Variants in PHACTR1 observed in about 807,000 individuals in gnomAD.
PHACTR1 encodes phosphatase and actin regulator 1.
PHACTR1 carries 16 observed loss-of-function variants against 69.2 expected under a neutral mutation model. The ratio of observed to expected loss-of-function variants is 0.23; its 90% confidence interval spans 0.16 to 0.35. PHACTR1 has a LOEUF of 0.35. Among genes scored for constraint, PHACTR1 ranks in the 10% least tolerant of loss-of-function variants. The probability of loss-of-function intolerance (pLI) is 1.00; values close to 1 mark genes in which losing one functional copy is unlikely to be tolerated. For synonymous variants in PHACTR1, 312 were observed against 284.5 expected (o/e 1.10, Z -0.97); for missense variants, 510 against 734.7 (o/e 0.69, Z 3.54).
intron 4 of PHACTR1, among the ~76,000 whole-genome samples, chr6:12,818,847 G>T (rs1775883201): frequency 6.6e-6 from 1 of 152,174 alleles, no homozygotes; most frequent in South Asian, 2.1e-4. Context: ...CTCCATACAA[G>T]TCAGCTTCCT....
At chr6:12,728,740 A>T (rs1250789866) in intron 3 of PHACTR1, among the ~76,000 whole-genome samples, 1 of 152,210 alleles carries the variant, frequency 6.6e-6, no homozygotes, top group Non-Finnish European at 1.5e-5. Flanking sequence ...ATAATCATGT[A>T]TTTATTTTAT....
At chr6:13,178,543 G>A (rs940679019) in intron 6 of PHACTR1, among the ~76,000 whole-genome samples, 1 of 152,248 alleles carries the variant, frequency 6.6e-6, no homozygotes, top group Non-Finnish European at 1.5e-5. Context: ...AGCTCTGGGG[G>A]TGAAGCCCAG....
chr6:12,778,133 T>A (rs936147879), intron 4 of PHACTR1, among the ~76,000 whole-genome samples: 1 of 152,240 alleles, frequency 6.6e-6, no homozygotes, highest in Admixed American at 6.5e-5. Context: ...TCTCTGGCAT[T>A]GACTTAATTA....
intron 4 of PHACTR1, among the ~76,000 whole-genome samples, chr6:12,856,921 C>T (rs948582681): frequency 6.6e-6 from 1 of 152,184 alleles, no homozygotes; most frequent in East Asian, 1.9e-4. Context: ...GACCCTGCAG[C>T]GGCAAGGAAA....
chr6:13,176,097 C>T (rs975431685), intron 6 of PHACTR1, among the ~76,000 whole-genome samples: 1 of 152,104 alleles, frequency 6.6e-6, no homozygotes, highest in African/African-American at 2.4e-5. Flanking sequence ...CATGTAGAAA[C>T]CAGAGGAATG....
intron 5 of PHACTR1, among the ~76,000 whole-genome samples, chr6:13,089,615 A>G (rs988242011): frequency 2.6e-5 from 4 of 152,238 alleles, no homozygotes; most frequent in Non-Finnish European, 5.9e-5. Context: ...GCCAAAAAAT[A>G]ATGAACTCAT....
At chr6:12,937,670 G>T (rs527935273) in intron 4 of PHACTR1, among the ~76,000 whole-genome samples, 1 of 152,026 alleles carries the variant, frequency 6.6e-6, no homozygotes, top group African/African-American at 2.4e-5. Context: ...ATTTTAGAGA[G>T]TGTGGGCAGA....
At chr6:12,770,531 A>G (rs1036174473) in intron 4 of PHACTR1, among the ~76,000 whole-genome samples, 1 of 152,226 alleles carries the variant, frequency 6.6e-6, no homozygotes, top group African/African-American at 2.4e-5. Flanking sequence ...GACATGGAGG[A>G]GGAGCTTCAA....
At chr6:12,958,916 C>A (rs182268975) in intron 4 of PHACTR1, among the ~76,000 whole-genome samples, 19 of 152,188 alleles carry the variant, frequency 1.2e-4, no homozygotes, top group Admixed American at 9.8e-4. Context: ...GTGGCTCACG[C>A]CTATAATCCC....
chr6:13,027,041 A>G (rs904955436), intron 4 of PHACTR1, among the ~76,000 whole-genome samples: 12 of 152,244 alleles, frequency 7.9e-5, no homozygotes, highest in African/African-American at 2.9e-4. Context: ...ATACAGCTAA[A>G]TCCATAGGTA....
chr6:12,856,408 C>A (rs1561949827), intron 4 of PHACTR1, among the ~76,000 whole-genome samples: 1 of 152,136 alleles, frequency 6.6e-6, no homozygotes, highest in South Asian at 2.1e-4. Flanking sequence ...CACCCGCCAC[C>A]ACGCCAGGGT....
At chr6:13,187,057 G>A (rs1583805025) in intron 7 of PHACTR1, among the ~76,000 whole-genome samples, 1 of 152,146 alleles carries the variant, frequency 6.6e-6, no homozygotes, top group East Asian at 1.9e-4. Flanking sequence ...CTCATCTAAT[G>A]CTGCTGTTGA....
chr6:12,992,594 CTAAAT>C (rs879802017), intron 4 of PHACTR1, among the ~76,000 whole-genome samples: 12 of 152,128 alleles, frequency 7.9e-5, no homozygotes, highest in Non-Finnish European at 1.5e-4. Flanking sequence ...TCAAACTCAC[CTAAAT>C]TAAATTCATT....
intron 6 of PHACTR1, among the ~76,000 whole-genome samples, chr6:13,176,361 A>C (rs1239041806): frequency 6.6e-6 from 1 of 152,134 alleles, no homozygotes; most frequent in African/African-American, 2.4e-5. Flanking sequence ...ATTATTTCAA[A>C]CACATCTCAT....
Position 12,853,800 on chromosome 6 carries a change from G to A in PHACTR1, c.250+104010G>A, listed in dbSNP as rs114806144. ...CCCCCTGATTCAGTTATCTCTACCT[G>A]GTCCCTCTCAGGACATGTGGGGATT... On this transcript the variant is annotated intron_variant, in intron 4 of 14. Coordinates refer to ENST00000332995, the MANE Select transcript of PHACTR1 (RefSeq NM_030948.6). Among the ~76,000 whole-genome samples, 1,077 of 152,286 alleles carry A rather than the reference G, an allele frequency of 7.1e-3. 18 individuals carry two copies. The highest frequency in any genetic ancestry group is 0.025 in the African/African-American group (1,028 of 41,568).
In PHACTR1 at chr6:12,807,854, A is replaced by G. The variant is rs373595141; in HGVS notation, c.250+58064A>G. On this transcript the variant is annotated intron_variant, in intron 4 of 14. Transcript: ENST00000332995. ...CATTGTGATAGCTTTAAAGGCTGAA[A>G]TCACATTTCAATATTCTTTGCATCA... is the stretch of plus-strand genomic sequence containing the variant. Among the ~76,000 whole-genome samples the G allele has an allele frequency of 5.3e-5, 8 of 152,336 alleles. No homozygotes were observed. The East Asian group carries it at 1.5e-3, about 29-fold the overall frequency.
At chr6:13,103,959 CT>C (rs1815624873) in intron 5 of PHACTR1, among the ~76,000 whole-genome samples, 1 of 152,170 alleles carries the variant, frequency 6.6e-6, no homozygotes, top group Non-Finnish European at 1.5e-5. Flanking sequence ...TGGCACGCAC[CT>C]GTAGTCTCAG....
chr6:13,174,492 C>T (rs1345606563), intron 6 of PHACTR1, among the ~76,000 whole-genome samples: 4 of 152,194 alleles, frequency 2.6e-5, no homozygotes, highest in East Asian at 1.9e-4. Flanking sequence ...CTAAAATTGT[C>T]GCATGGCACT....
intron 4 of PHACTR1, among the ~76,000 whole-genome samples, chr6:13,027,631 A>C (rs1801882573): frequency 6.6e-6 from 1 of 152,152 alleles, no homozygotes; most frequent in Admixed American, 6.5e-5. Context: ...TGTTTTCCAA[A>C]ATGTGTTCCA....
Sources: allele counts gnomAD v4.1 joint callset (sites outside exome capture counted in the v4.1 genomes callset), GRCh38; gene constraint gnomAD v4.1.1; transcripts MANE v1.5; gene names NCBI Gene and HGNC (gene_info 2026-07-23, HGNC 2026-07-21).